INVS: variants seen among roughly 807,000 people sequenced by gnomAD.
The protein encoded by INVS is inversion of embryo turning homolog.
A neutral mutation model predicts 108.8 loss-of-function variants in INVS; 86 were observed. That is an observed-to-expected ratio of 0.79 (90% CI 0.66 to 0.95). The LOEUF is 0.95. Among genes scored for constraint, INVS ranks in the 40% least tolerant of loss-of-function variants. The pLI is 0.00. For synonymous variants in INVS, 455 were observed against 473.5 expected (o/e 0.96, Z 0.51); for missense variants, 1,169 against 1,297.4 (o/e 0.90, Z 1.52).
intron 3 of INVS, among the ~76,000 whole-genome samples, chr9:100,178,900 T>C (rs1829796201): frequency 6.6e-6 from 1 of 152,134 alleles, no homozygotes; most frequent in South Asian, 2.1e-4. Context: ...AAAGGTCAGG[T>C]TACCCACAAG....
At chr9:100,218,165 A>G (rs1285995264) in intron 3 of INVS, among the ~76,000 whole-genome samples, 1 of 152,170 alleles carries the variant, frequency 6.6e-6, no homozygotes, top group Non-Finnish European at 1.5e-5. Flanking sequence ...TTCTAGGCCA[A>G]AATTTTATAC....
chr9:100,181,934 C>T (rs921062818), intron 3 of INVS, among the ~76,000 whole-genome samples: 2 of 152,070 alleles, frequency 1.3e-5, no homozygotes, highest in Admixed American at 6.6e-5. Flanking sequence ...ACCAATGGAA[C>T]AGAATAGAGG....
intron 14 of INVS, among the ~76,000 whole-genome samples, chr9:100,294,486 A>C (rs1324933672): frequency 1.3e-5 from 2 of 152,174 alleles, no homozygotes; most frequent in Non-Finnish European, 2.9e-5. Context: ...CCATTAACAA[A>C]GTCCTCTCAT....
chr9:100,239,202 T>C (rs1831787402), intron 5 of INVS, among the ~76,000 whole-genome samples: 1 of 152,178 alleles, frequency 6.6e-6, no homozygotes, highest in Non-Finnish European at 1.5e-5. Context: ...AATTGCAGCA[T>C]TGTCTGTAAT....
At chr9:100,106,919 C>G (rs1350598155) in intron 2 of INVS, among the ~76,000 whole-genome samples, 1 of 151,098 alleles carries the variant, frequency 6.6e-6, no homozygotes, top group Non-Finnish European at 1.5e-5. Flanking sequence ...GTATCATGCC[C>G]AGCTAAAACT....
chr9:100,187,022 G>GTTGATTT (rs1204501105), intron 3 of INVS, among the ~76,000 whole-genome samples: 1 of 152,008 alleles, frequency 6.6e-6, no homozygotes, highest in Non-Finnish European at 1.5e-5. Context: ...TCCATCTTGA[G>GTTGATTT]TTGATTTTTG....
chr9:100,256,102 G>C (rs1588125963), intron 10 of INVS, among the ~76,000 whole-genome samples: 1 of 152,090 alleles, frequency 6.6e-6, no homozygotes, highest in African/African-American at 2.4e-5. Context: ...GCCTGTTATT[G>C]GTCTATTCAG....
intron 3 of INVS, among the ~76,000 whole-genome samples, chr9:100,157,956 C>T (rs1300483913): frequency 5.3e-5 from 8 of 152,156 alleles, no homozygotes; most frequent in Non-Finnish European, 8.8e-5. Context: ...CTTACTTGTT[C>T]TCACCACCCA....
chr9:100,237,979 A>G (rs1035849697), intron 5 of INVS, among the ~76,000 whole-genome samples: 1 of 152,122 alleles, frequency 6.6e-6, no homozygotes, highest in African/African-American at 2.4e-5. Flanking sequence ...CCTGGGTTCA[A>G]GTGATTCTCC....
chr9:100,213,824 G>T (rs1830908367), intron 3 of INVS, among the ~76,000 whole-genome samples: 1 of 152,132 alleles, frequency 6.6e-6, no homozygotes, highest in South Asian at 2.1e-4. Flanking sequence ...AGTAAGCCCA[G>T]AGGAAGACAT....
chr9:100,273,527 CTTTTTTT>C (rs58458085), intron 12 of INVS, among the ~76,000 whole-genome samples: 3 of 96,276 alleles, frequency 3.1e-5, no homozygotes, highest in African/African-American at 4.6e-5. Context: ...CCACTCAGTT[CTTTTTTT>C]TTTTTTTTTT....
chr9:100,204,108 A>C (rs1196688802), intron 3 of INVS, among the ~76,000 whole-genome samples: 1 of 152,198 alleles, frequency 6.6e-6, no homozygotes, highest in Non-Finnish European at 1.5e-5. Context: ...CAATTGAGGA[A>C]ACTGAGGCCC....
intron 3 of INVS, among the ~76,000 whole-genome samples, chr9:100,191,488 A>G (rs188279153): frequency 6.6e-6 from 1 of 152,208 alleles, no homozygotes; most frequent in East Asian, 1.9e-4. Context: ...TTTCCTGTGC[A>G]TTTTTTAATT....
chr9:100,226,470 G>A (rs1831326079), intron 4 of INVS, among the ~76,000 whole-genome samples: 1 of 152,064 alleles, frequency 6.6e-6, no homozygotes, highest in South Asian at 2.1e-4. Flanking sequence ...TGAAGCTCAG[G>A]AAGATTAAAA....
rs1448550916 is a variant in INVS, at chr9:100,301,760, C to T, written c.*1086C>T. Among the ~76,000 whole-genome samples, 1 of 147,670 alleles carries T rather than the reference C, an allele frequency of 6.8e-6. No individual in the cohort carries two copies. The highest frequency in any genetic ancestry group is 2.5e-5 in the African/African-American group (1 of 39,994). On this transcript the variant is annotated 3_prime_UTR_variant, in exon 17 of 17. Transcript: ENST00000262457. ...TTCTGTGCTAACGGTAAGAGATAGA[C>T]AGATAGGCAATGAAGTGTTCACTTA...
chr9:100,107,299 T>C (rs1019332039), intron 2 of INVS, among the ~76,000 whole-genome samples: 1 of 152,222 alleles, frequency 6.6e-6, no homozygotes, highest in Non-Finnish European at 1.5e-5. Context: ...ACCACCTACA[T>C]ATACATCCTT....
At position 100,284,373 on chromosome 9, in the gene INVS, G is replaced by A. The variant is rs774635980; in HGVS notation, c.1838G>A (p.Arg613Gln). The stretch of plus-strand genomic sequence containing the variant: ...GAGGCAGAACAGCAAAAAGGAAGGC[G>A]GAGCCCAGATTCCTGCAGACCCCAG... ...RKEAEQQKGR[R>Q]SPDSCRPQAL... is the part of the protein sequence containing the mutation. The change falls in exon 13 of 17, where the codon CGG becomes CAG. Residue 613 changes from arginine to glutamine, a missense_variant. This residue lies in a region of INVS where 271 missense variants were observed against 363.8 expected (regional missense o/e 0.74). Transcript: ENST00000262457. 29 of 1,613,636 alleles carry A rather than the reference G, an allele frequency of 1.8e-5. No homozygotes were observed. Among genetic ancestry groups the A allele is most frequent in the East Asian group, 8.9e-5 (4 of 44,900 alleles).
At chr9:100,175,498 T>C in intron 3 of INVS, 1 of 775,836 alleles carries the variant, frequency 1.3e-6, no homozygotes. Flanking sequence ...CAGAAATACC[T>C]CAGCCTCCAG....
At chr9:100,185,539 A>ATATG (rs1830032324) in intron 3 of INVS, among the ~76,000 whole-genome samples, 1 of 120,362 alleles carries the variant, frequency 8.3e-6, no homozygotes, top group Non-Finnish European at 1.9e-5. Context: ...ATATATATAT[A>ATATG]TATATATATA....
Sources: allele counts gnomAD v4.1 joint callset (sites outside exome capture counted in the v4.1 genomes callset), GRCh38; gene constraint gnomAD v4.1.1; regional missense constraint gnomAD v4.1.1; transcripts MANE v1.5; gene names NCBI Gene and HGNC (gene_info 2026-07-23, HGNC 2026-07-21).